RTN4IP1: variants seen among roughly 807,000 people sequenced by gnomAD.
The protein encoded by RTN4IP1 is NAD(P)H oxidoreductase RTN4IP1, mitochondrial.
In RTN4IP1, 32 loss-of-function variants were observed where a neutral mutation model predicts 46.6. That is an observed-to-expected ratio of 0.69 (90% CI 0.52 to 0.92). The LOEUF is 0.92. Among genes scored for constraint, RTN4IP1 ranks in the 40% least tolerant of loss-of-function variants. The pLI, the probability that RTN4IP1 is intolerant of heterozygous loss-of-function variation, is 0.00. For synonymous variants in RTN4IP1, 167 were observed against 161.8 expected, an observed-to-expected ratio of 1.03 and a Z score of -0.24; for missense variants, 424 against 485.8, an observed-to-expected ratio of 0.87 and a Z score of 1.20.
intron 4 of RTN4IP1, among the ~76,000 whole-genome samples, chr6:106,606,743 A>G (rs570206772): frequency 1.8e-3 from 273 of 152,220 alleles, no homozygotes; most frequent in African/African-American, 6.4e-3. Context: ...TATAAATTAA[A>G]TAAATAAATA....
intron 8 of RTN4IP1, among the ~76,000 whole-genome samples, chr6:106,575,314 A>G (rs1179510839): frequency 2.0e-5 from 3 of 152,204 alleles, no homozygotes; most frequent in African/African-American, 7.2e-5. Context: ...GCCCTCATTC[A>G]GTCTTGGATT....
chr6:106,571,929 A>G lies in RTN4IP1; in HGVS notation c.*67T>C, dbSNP rs1349063417. The G allele has an allele frequency of 9.3e-7, 1 of 1,069,986 alleles. No individual in the cohort carries two copies. Among genetic ancestry groups the G allele is most frequent in the Admixed American group, 1.9e-5 (1 of 52,732 alleles). The allele number at this position is 1,069,986 out of a possible 1,614,324, so 66.3% of individuals were successfully genotyped here. ...AAAAATGTTTGAAAGGGATGGCTAG[A>G]AAAAAATTTGGGCTCACAGGCACTC... On this transcript the variant is annotated 3_prime_UTR_variant, in exon 9 of 9. Transcript: ENST00000369063.
At chr6:106,592,029 T>A (rs756839118) in intron 6 of RTN4IP1, 135 bp downstream of exon 6, 31 of 912,728 alleles carry the variant, frequency 3.4e-5, no homozygotes, top group Non-Finnish European at 4.8e-5. Flanking sequence ...CTAAGTAACT[T>A]CTAGTGACAT....
intron 1 of RTN4IP1, among the ~76,000 whole-genome samples, chr6:106,625,661 C>CTTTTTTTTTTTTTTT (rs773454257): frequency 8.9e-6 from 1 of 112,798 alleles, no homozygotes; most frequent in Non-Finnish European, 1.8e-5. Flanking sequence ...TCTTTTTTTT[C>CTTTTTTTTTTTTTTT]TTTTTTTTTT....
chr6:106,590,356 G>A (rs536283650), intron 6 of RTN4IP1, among the ~76,000 whole-genome samples: 1 of 151,402 alleles, frequency 6.6e-6, no homozygotes, highest in Admixed American at 6.6e-5. Context: ...AACCCCTTAA[G>A]GTAGATAGAG....
chr6:106,595,259 T>C (rs1432043289), intron 5 of RTN4IP1, among the ~76,000 whole-genome samples: 1 of 152,206 alleles, frequency 6.6e-6, no homozygotes, highest in Non-Finnish European at 1.5e-5. Context: ...CTCTGTCCTC[T>C]GTATTTTCTG....
rs758583021 is a variant in RTN4IP1 at position 106,592,205 on chromosome 6, G to A, written c.765C>T (p.Tyr255=). 3 of 1,613,924 alleles carry A rather than the reference G, an allele frequency of 1.9e-6. No homozygotes were observed. The African/African-American group carries it at 4.0e-5, about 22-fold the overall frequency. The change falls in exon 6 of 9, where the codon TAC becomes TAT. Residue 255 remains tyrosine, a synonymous_variant. Coordinates refer to ENST00000369063, the MANE Select transcript of RTN4IP1 (RefSeq NM_032730.5). ...RKLGADDVID[Y]KSGSVEEQLK... is the part of the protein sequence containing the mutation. ...ACTGCTCTTCCACACTTCCAGATTT[G>A]TAATCAATTACATCGTCTGCACCAA...
intron 1 of RTN4IP1, among the ~76,000 whole-genome samples, chr6:106,626,331 G>T (rs1315705062): frequency 1.3e-5 from 2 of 151,960 alleles, no homozygotes; most frequent in Non-Finnish European, 2.9e-5. Flanking sequence ...TGGGGAGTCA[G>T]GATTATACTC....
At chr6:106,587,554 C>T (rs1005159668) in intron 7 of RTN4IP1, 125 bp downstream of exon 7, 40 of 801,454 alleles carry the variant, frequency 5.0e-5, no homozygotes, top group South Asian at 4.1e-4. Flanking sequence ...ACTGTGACTG[C>T]AGAGTCCATG....
In RTN4IP1 at chr6:106,583,350, G is replaced by A. The variant is rs1170498036; in HGVS notation, c.1061C>T (p.Ala354Val). Residue 354 changes from alanine to valine, a missense_variant, in exon 8 of 9, where the codon GCA becomes GTA. Coordinates refer to ENST00000369063, the MANE Select transcript of RTN4IP1 (RefSeq NM_032730.5). Reference sequence around the variant, plus strand: ...TACCTTTCCCGCATCCACCAGTTCTGCAATGTCATCTAAACATGGGCCACT... The same window carrying A: ...TACCTTTCCCGCATCCACCAGTTCTACAATGTCATCTAAACATGGGCCACT... ...MASGPCLDDI[A>V]ELVDAGKIRP... The A allele has an allele frequency of 6.2e-7, 1 of 1,613,540 alleles. No homozygotes were observed. The highest frequency in any genetic ancestry group is 1.7e-5 in the Admixed American group (1 of 60,008).
At chr6:106,604,709 G>A (rs1582373577) in intron 4 of RTN4IP1, among the ~76,000 whole-genome samples, 1 of 151,956 alleles carries the variant, frequency 6.6e-6, no homozygotes, top group Non-Finnish European at 1.5e-5. Flanking sequence ...TCTGTTCTTT[G>A]GGCCCATTCA....
At chr6:106,611,198 C>A (rs1776215488) in intron 4 of RTN4IP1, among the ~76,000 whole-genome samples, 1 of 152,126 alleles carries the variant, frequency 6.6e-6, no homozygotes, top group Admixed American at 6.6e-5. Context: ...CAGGTTTCAA[C>A]TCTCTCTCTA....
intron 5 of RTN4IP1, among the ~76,000 whole-genome samples, chr6:106,595,097 C>T (rs563736114): frequency 6.6e-6 from 1 of 152,282 alleles, no homozygotes; most frequent in East Asian, 1.9e-4. Flanking sequence ...CCACTGTGCC[C>T]GGCCTTAAGT....
intron 3 of RTN4IP1, among the ~76,000 whole-genome samples, chr6:106,619,820 C>T (rs1776442748): frequency 1.3e-5 from 2 of 151,832 alleles, no homozygotes; most frequent in African/African-American, 4.8e-5. Flanking sequence ...ACCGTGTTAG[C>T]CAAGATGGTC....
Position 106,583,371 on chromosome 6 carries a change from C to G in RTN4IP1, c.1040G>C (p.Gly347Ala), listed in dbSNP as rs559295103. 1 of 1,613,778 alleles carries G rather than the reference C, an allele frequency of 6.2e-7. No individual in the cohort carries two copies. Among genetic ancestry groups the G allele is most frequent in the East Asian group, 2.2e-5 (1 of 44,884 alleles). ...HYRWAFFMAS[G>A]PCLDDIAELV... ...TTCTGCAATGTCATCTAAACATGGG[C>G]CACTGGCCATGAAAAATGCCCAGCG... Residue 347 changes from glycine to alanine, a missense_variant, in exon 8 of 9, where the codon GGC (glycine) becomes GCC (alanine). By Grantham distance (60) the Gly-to-Ala change is moderately conservative (BLOSUM62 0). Transcript: ENST00000369063.
intron 8 of RTN4IP1, among the ~76,000 whole-genome samples, chr6:106,578,038 G>A (rs545283058): frequency 6.6e-6 from 1 of 152,288 alleles, no homozygotes; most frequent in African/African-American, 2.4e-5. Flanking sequence ...AAGCAAATAT[G>A]TATAAATATT....
chr6:106,607,060 C>T (rs1269868419), intron 4 of RTN4IP1, among the ~76,000 whole-genome samples: 1 of 151,966 alleles, frequency 6.6e-6, no homozygotes, highest in African/African-American at 2.4e-5. Flanking sequence ...GATACATAGA[C>T]CAATGGAACA....
At chr6:106,620,957 C>CT (rs1776470517) in intron 3 of RTN4IP1, among the ~76,000 whole-genome samples, 3 of 152,080 alleles carry the variant, frequency 2.0e-5, no homozygotes, top group Non-Finnish European at 4.4e-5. Context: ...CAGTAATAAC[C>CT]TTTTCCCCCT....
At chr6:106,612,384 CAAAAAAAAAAAA>C (rs1180927898) in intron 4 of RTN4IP1, among the ~76,000 whole-genome samples, 8 of 18,918 alleles carry the variant, frequency 4.2e-4, no homozygotes, top group East Asian at 1.6e-3. Flanking sequence ...AAGACTCCGT[CAAAAAAAAAAAA>C]AAAAAAAAAA....
Sources: gnomAD v4.1 joint callset for allele counts (sites outside exome capture counted in the v4.1 genomes callset) on GRCh38, gnomAD v4.1.1 for gene constraint, MANE v1.5 for transcripts, NCBI Gene and HGNC (gene_info 2026-07-23, HGNC 2026-07-21) for gene names.